Variants in GRIP1 observed in about 807,000 individuals in gnomAD.
GRIP1 encodes the protein glutamate receptor-interacting protein 1.
In GRIP1, 45 loss-of-function variants were observed where a neutral mutation model predicts 129.9. The observed-to-expected ratio is 0.35, with a 90% CI of 0.27 to 0.44. The LOEUF is 0.44. Among genes scored for constraint, GRIP1 ranks in the 20% least tolerant of loss-of-function variants. The probability of loss-of-function intolerance (pLI) is 1.00; values close to 1 mark genes in which losing one functional copy is unlikely to be tolerated. For missense variants in GRIP1, 1,196 were observed against 1,396.8 expected (o/e 0.86, Z 2.29); for synonymous variants, 530 against 520.8 (o/e 1.02, Z -0.24).
chr12:66,488,658 C>T (rs1361648984), intron 7 of GRIP1, among the ~76,000 whole-genome samples: 1 of 151,860 alleles, frequency 6.6e-6, no homozygotes, highest in Non-Finnish European at 1.5e-5. Context: ...ATGTGAAAAT[C>T]CCTTCAAAAA....
At chr12:66,807,566 C>T (rs554414965), upstream of GRIP1, among the ~76,000 whole-genome samples, 1 of 152,066 alleles carries the variant, frequency 6.6e-6, no homozygotes, top group Non-Finnish European at 1.5e-5. Flanking sequence ...CCCAGCTACT[C>T]GGGAGGCTGA....
intron 7 of GRIP1, among the ~76,000 whole-genome samples, chr12:66,499,418 A>C (rs7974896): frequency 0.022 from 3,343 of 152,342 alleles, 110 homozygotes; most frequent in African/African-American, 0.077. Flanking sequence ...ATTTGGGAGA[A>C]AGGCTCAAAA....
intron 1 of GRIP1, among the ~76,000 whole-genome samples, chr12:66,756,293 T>G (rs1307450746): frequency 6.6e-6 from 1 of 152,190 alleles, no homozygotes; most frequent in East Asian, 1.9e-4. Flanking sequence ...ATTTGTCTTT[T>G]GGTGACTCTC....
intron 1 of GRIP1, among the ~76,000 whole-genome samples, chr12:66,710,690 T>C (rs61926136): frequency 0.056 from 8,516 of 152,038 alleles, 358 homozygotes; most frequent in East Asian, 0.2. Flanking sequence ...AAGACCTTTA[T>C]GATTACAAAG....
chr12:66,775,708 T>C (rs978818449), intron 1 of GRIP1, among the ~76,000 whole-genome samples: 12 of 151,872 alleles, frequency 7.9e-5, no homozygotes, highest in African/African-American at 2.9e-4. Flanking sequence ...TATAAAGTTA[T>C]ATAATTCACC....
chr12:66,451,383 G>GTTTGTTTTTTTTTTTTTTTTTTTT (rs2058794233), intron 11 of GRIP1, among the ~76,000 whole-genome samples: 4 of 42,650 alleles, frequency 9.4e-5, no homozygotes, highest in Non-Finnish European at 1.7e-4. Context: ...ATTATAATCT[G>GTTTGTTTTTTTTTTTTTTTTTTTT]TTTTTTTTTT....
chr12:66,583,259 A>T (rs901291309), intron 2 of GRIP1, among the ~76,000 whole-genome samples: 92 of 151,092 alleles, frequency 6.1e-4, no homozygotes, highest in African/African-American at 2.1e-3. Context: ...AATTAATTCA[A>T]GATGGATTAA....
At chr12:66,862,855 TC>T (rs2040136507) in intron 1 of GRIP1, among the ~76,000 whole-genome samples, 1 of 152,030 alleles carries the variant, frequency 6.6e-6, no homozygotes, top group Admixed American at 6.6e-5. Context: ...TCTTCCCATA[TC>T]CATATGAATT....
intron 23 of GRIP1, among the ~76,000 whole-genome samples, chr12:66,361,644 ACCACC>A (rs2137165977): frequency 6.6e-6 from 1 of 152,284 alleles, no homozygotes; most frequent in Admixed American, 6.5e-5. Context: ...TGCCCCAGCC[ACCACC>A]AAGCTGGCTG....
In GRIP1 at chr12:66,628,185, A is replaced by T. The variant is rs79577646; in HGVS notation, c.56-31258T>A. Among the ~76,000 whole-genome samples, 12 of 152,232 alleles carry T rather than the reference A, an allele frequency of 7.9e-5. No individual in the cohort carries two copies. In the East Asian group the frequency reaches 2.1e-3, roughly 27 times the overall value. ...TCTCTTCAGAGCAGGCTTTCTCTAG[A>T]TCCCTTATTTGTTCTAAATAGATTG... On this transcript the variant is annotated intron_variant, in intron 1 of 24. Transcript: ENST00000359742.
At chr12:66,616,842 T>C (rs1015809469) in intron 1 of GRIP1, among the ~76,000 whole-genome samples, 8 of 152,142 alleles carry the variant, frequency 5.3e-5, no homozygotes, top group African/African-American at 1.9e-4. Flanking sequence ...TCACAGTGAC[T>C]GTGGCTTAGC....
chr12:67,058,571 T>G (rs979673083), intron 1 of GRIP1, among the ~76,000 whole-genome samples: 1 of 152,218 alleles, frequency 6.6e-6, no homozygotes, highest in Non-Finnish European at 1.5e-5. Context: ...TCGGTTCTTG[T>G]GTTCATACGT....
intron 2 of GRIP1, among the ~76,000 whole-genome samples, chr12:66,547,875 T>C (rs192130142): frequency 4.6e-5 from 7 of 152,312 alleles, no homozygotes; most frequent in Admixed American, 4.6e-4. Flanking sequence ...GGTTGTGATA[T>C]TACATATAGT....
chr12:66,574,878 G>A (rs933458018), intron 2 of GRIP1, among the ~76,000 whole-genome samples: 3 of 150,046 alleles, frequency 2.0e-5, no homozygotes, highest in Non-Finnish European at 4.4e-5. Flanking sequence ...GGATTCAAGC[G>A]ATTCTTATGC....
At chr12:66,704,597 G>C (rs535423512) in intron 1 of GRIP1, among the ~76,000 whole-genome samples, 3 of 152,056 alleles carry the variant, frequency 2.0e-5, no homozygotes, top group Non-Finnish European at 4.4e-5. Flanking sequence ...TCTATTAAGT[G>C]TTCCCAAGCA....
At chr12:66,813,036 TGTTA>T (rs140066852) in intron 1 of GRIP1, among the ~76,000 whole-genome samples, 8,723 of 152,154 alleles carry the variant, frequency 0.057, 807 homozygotes, top group African/African-American at 0.2. Context: ...TGAGGAGGTG[TGTTA>T]GTCTGTTTGT....
intron 1 of GRIP1, among the ~76,000 whole-genome samples, chr12:66,887,034 T>C (rs2040576943): frequency 6.6e-6 from 1 of 152,194 alleles, no homozygotes; most frequent in South Asian, 2.1e-4. Flanking sequence ...GATAAATGAA[T>C]TTCAAATCTG....
At chr12:66,901,476 A>G (rs2040843174) in intron 1 of GRIP1, among the ~76,000 whole-genome samples, 1 of 152,242 alleles carries the variant, frequency 6.6e-6, no homozygotes, top group Admixed American at 6.5e-5. Context: ...CTCCAAATAG[A>G]AAAATCACAT....
At chr12:66,866,386 T>C (rs2040204908) in intron 1 of GRIP1, among the ~76,000 whole-genome samples, 1 of 152,120 alleles carries the variant, frequency 6.6e-6, no homozygotes, top group East Asian at 1.9e-4. Flanking sequence ...GGCAAGAGAA[T>C]CACTTGAGCC....
Sources: gnomAD v4.1 joint callset for allele counts (sites outside exome capture counted in the v4.1 genomes callset) on GRCh38, gnomAD v4.1.1 for gene constraint, MANE v1.5 for transcripts, NCBI Gene and HGNC (gene_info 2026-07-23, HGNC 2026-07-21) for gene names.